The following LRRC4C variants were observed in gnomAD, a reference collection of about 807,000 sequenced individuals.
LRRC4C encodes leucine-rich repeat-containing protein 4C.
In LRRC4C, 5 loss-of-function variants were observed where a neutral mutation model predicts 33.6. The ratio of observed to expected loss-of-function variants is 0.15; its 90% confidence interval spans 0.08 to 0.31. LRRC4C has a LOEUF of 0.31. Among genes scored for constraint, LRRC4C ranks in the 10% least tolerant of loss-of-function variants. The pLI, the probability that LRRC4C is intolerant of heterozygous loss-of-function variation, is 1.00. For synonymous variants in LRRC4C, 329 were observed against 302.0 expected, an observed-to-expected ratio of 1.09 and a Z score of -0.93; for missense variants, 560 against 796.7, an observed-to-expected ratio of 0.70 and a Z score of 3.58.
intron 2 of LRRC4C, among the ~76,000 whole-genome samples, chr11:40,782,533 T>C (rs963090158): frequency 2.6e-5 from 4 of 152,220 alleles, no homozygotes; most frequent in Admixed American, 6.5e-5. Flanking sequence ...TGAATCTCAA[T>C]TTACTTCATT....
intron 3 of LRRC4C, among the ~76,000 whole-genome samples, chr11:40,421,193 A>G (rs942114409): frequency 4.6e-5 from 7 of 152,350 alleles, no homozygotes; most frequent in Non-Finnish European, 1.0e-4. Flanking sequence ...TATGAATAAG[A>G]CAGTTGAAAT....
At chr11:40,842,585 T>C (rs530844916) in intron 2 of LRRC4C, among the ~76,000 whole-genome samples, 15 of 152,284 alleles carry the variant, frequency 9.9e-5, no homozygotes, top group Non-Finnish European at 2.1e-4. Context: ...GTTTCAAAAC[T>C]ATAATATATT....
intron 2 of LRRC4C, among the ~76,000 whole-genome samples, chr11:40,866,112 C>T (rs886346922): frequency 1.9e-4 from 29 of 149,502 alleles, no homozygotes; most frequent in African/African-American, 6.9e-4. Flanking sequence ...ATAGAACAGA[C>T]CGATCAATAA....
intron 2 of LRRC4C, among the ~76,000 whole-genome samples, chr11:40,849,544 C>A (rs934291701): frequency 6.6e-6 from 1 of 152,206 alleles, no homozygotes; most frequent in Non-Finnish European, 1.5e-5. Flanking sequence ...TTGTGGGTAA[C>A]CTTTCTCTCT....
At chr11:40,479,878 A>G (rs1339379616) in intron 3 of LRRC4C, among the ~76,000 whole-genome samples, 1 of 152,146 alleles carries the variant, frequency 6.6e-6, no homozygotes, top group Admixed American at 6.6e-5. Flanking sequence ...TCCTAATTGT[A>G]ACATTGGGAA....
At chr11:40,424,137 T>G (rs1950626663) in intron 3 of LRRC4C, among the ~76,000 whole-genome samples, 1 of 152,142 alleles carries the variant, frequency 6.6e-6, no homozygotes, top group African/African-American at 2.4e-5. Context: ...TATTTAAGCT[T>G]TGTGTAGATC....
intron 1 of LRRC4C, among the ~76,000 whole-genome samples, chr11:41,308,822 T>A (rs1591227632): frequency 6.6e-6 from 1 of 151,810 alleles, no homozygotes; most frequent in East Asian, 1.9e-4. Flanking sequence ...TTTTTTTTTT[T>A]AGACAGAGTT....
rs371535928 is a variant in LRRC4C at position 40,493,011 on chromosome 11, G to T, written c.-270+155131C>A. On this transcript the variant is annotated intron_variant, in intron 3 of 6. Coordinates refer to ENST00000528697, the MANE Select transcript of LRRC4C (RefSeq NM_001258419.2). ...GTCTACTTGAAAGTGGAAAACAGTG[G>T]CAAGATAAAGATGCATCTATAAATA... Among the ~76,000 whole-genome samples, 60 of 151,582 alleles carry T rather than the reference G, an allele frequency of 4.0e-4. No homozygotes were observed. The East Asian group carries it at 0.011, about 28-fold the overall frequency.
chr11:40,334,571 A>G (rs1946511488), intron 3 of LRRC4C, among the ~76,000 whole-genome samples: 1 of 152,182 alleles, frequency 6.6e-6, no homozygotes, highest in Non-Finnish European at 1.5e-5. Context: ...GTTACTTGCA[A>G]TAATCAAATA....
intron 3 of LRRC4C, among the ~76,000 whole-genome samples, chr11:40,589,294 T>C (rs1958919470): frequency 6.6e-6 from 1 of 152,158 alleles, no homozygotes; most frequent in South Asian, 2.1e-4. Context: ...AGACTAGGAT[T>C]GCAATCCCTG....
chr11:40,148,502 G>A (rs566648405), intron 5 of LRRC4C, among the ~76,000 whole-genome samples: 82 of 152,148 alleles, frequency 5.4e-4, no homozygotes, highest in Non-Finnish European at 9.3e-4. Context: ...GTCTGTTCAT[G>A]TCCTTTGCCC....
At chr11:40,580,058 G>GGTGTGTGTGT (rs72110597) in intron 3 of LRRC4C, among the ~76,000 whole-genome samples, 2,134 of 145,490 alleles carry the variant, frequency 0.015, 29 homozygotes, top group Admixed American at 0.044. Context: ...GTACTTTTCA[G>GGTGTGTGTGT]GTGTGTGTGT....
At chr11:41,272,134 C>A (rs547985386) in intron 1 of LRRC4C, among the ~76,000 whole-genome samples, 47 of 152,208 alleles carry the variant, frequency 3.1e-4, no homozygotes, top group Admixed American at 1.8e-3. Context: ...GGGAAGTAGA[C>A]TGAGGATAAA....
At chr11:41,028,341 C>T (rs1312663982) in intron 1 of LRRC4C, among the ~76,000 whole-genome samples, 1 of 151,560 alleles carries the variant, frequency 6.6e-6, no homozygotes, top group Admixed American at 6.6e-5. Context: ...TCAAAATAGA[C>T]TTTTGATTAA....
At chr11:40,876,761 G>C (rs932563803) in intron 2 of LRRC4C, among the ~76,000 whole-genome samples, 1 of 151,786 alleles carries the variant, frequency 6.6e-6, no homozygotes, top group African/African-American at 2.4e-5. Context: ...AAATTAGCTG[G>C]GTGTGGTGGC....
intron 3 of LRRC4C, among the ~76,000 whole-genome samples, chr11:40,320,119 C>T (rs1361066804): frequency 6.6e-6 from 1 of 152,048 alleles, no homozygotes; most frequent in African/African-American, 2.4e-5. Context: ...TAAAAGACTT[C>T]CTGCTCTTAC....
At chr11:41,195,905 T>C (rs1233935968) in intron 1 of LRRC4C, among the ~76,000 whole-genome samples, 1 of 152,054 alleles carries the variant, frequency 6.6e-6, no homozygotes, top group Non-Finnish European at 1.5e-5. Flanking sequence ...TTAACAAACA[T>C]AGAAGCTAAG....
At chr11:40,612,519 G>C (rs1961332612) in intron 3 of LRRC4C, among the ~76,000 whole-genome samples, 1 of 151,902 alleles carries the variant, frequency 6.6e-6, no homozygotes, top group Non-Finnish European at 1.5e-5. Context: ...AAACAGTTAA[G>C]AGAGCAGATT....
At chr11:41,179,047 G>A (rs1945331154) in intron 1 of LRRC4C, among the ~76,000 whole-genome samples, 1 of 152,098 alleles carries the variant, frequency 6.6e-6, no homozygotes, top group Non-Finnish European at 1.5e-5. Flanking sequence ...GCATGGTCCT[G>A]TATTGGCAGA....
Sources: gnomAD v4.1 joint callset for allele counts (sites outside exome capture counted in the v4.1 genomes callset) on GRCh38, gnomAD v4.1.1 for gene constraint, MANE v1.5 for transcripts, NCBI Gene and HGNC (gene_info 2026-07-23, HGNC 2026-07-21) for gene names.